The following HCN1 variants were observed in gnomAD, a reference collection of about 807,000 sequenced individuals.
The protein encoded by HCN1 is hyperpolarization activated cyclic nucleotide gated potassium channel 1.
A neutral mutation model predicts 78.9 loss-of-function variants in HCN1; 13 were observed. That is an observed-to-expected ratio of 0.16 (90% CI 0.11 to 0.26). The LOEUF (loss-of-function observed/expected upper bound fraction) is 0.26, where lower values mean the gene tolerates loss of function less well. HCN1 is among the 10% of genes least tolerant of loss of function. The pLI is 1.00. For synonymous variants in HCN1, 552 were observed against 455.5 expected (o/e 1.21, Z -2.70); for missense variants, 810 against 1,154.3 (o/e 0.70, Z 4.32).
rs1744639216 is a variant in HCN1 at position 45,257,418 on chromosome 5, T to G, written c.*4503A>C. On this transcript the variant is annotated 3_prime_UTR_variant, in exon 8 of 8. Coordinates refer to ENST00000303230, the MANE Select transcript of HCN1 (RefSeq NM_021072.4). ...AAATGATAATTATTTCCCCAGCATT[T>G]AATGTATTACTCATTCTCTCCACAT... 6.6e-6 allele frequency: 1 copy of G among 152,236 alleles called. No homozygotes were observed. 9.4% of individuals were successfully genotyped at this position (152,236 alleles called of 1,614,324 possible). A position where few individuals can be genotyped will look rare whatever the true frequency, so the allele number is the denominator to read the frequency against.
intron 2 of HCN1, among the ~76,000 whole-genome samples, chr5:45,487,298 G>A (rs931831499): frequency 1.1e-4 from 17 of 152,018 alleles, no homozygotes; most frequent in Non-Finnish European, 1.8e-4. Flanking sequence ...AAAATGATGA[G>A]CACATAAATT....
At chr5:45,384,904 C>A (rs1331876312) in intron 4 of HCN1, among the ~76,000 whole-genome samples, 1 of 152,056 alleles carries the variant, frequency 6.6e-6, no homozygotes, top group East Asian at 1.9e-4. Flanking sequence ...CTTATCTCTA[C>A]AATGTGAATT....
chr5:45,565,077 A>C (rs1743679549), intron 2 of HCN1, among the ~76,000 whole-genome samples: 1 of 152,130 alleles, frequency 6.6e-6, no homozygotes, highest in Non-Finnish European at 1.5e-5. Context: ...TGAAAAGGTA[A>C]ATTAAAATTG....
At chr5:45,374,290 T>TTA (rs1554021340) in intron 4 of HCN1, among the ~76,000 whole-genome samples, 3 of 128,782 alleles carry the variant, frequency 2.3e-5, no homozygotes, top group African/African-American at 5.9e-5. Flanking sequence ...ATTATATACA[T>TTA]TATATATATT....
intron 2 of HCN1, among the ~76,000 whole-genome samples, chr5:45,588,650 T>C (rs886688105): frequency 6.6e-6 from 1 of 152,178 alleles, no homozygotes; most frequent in Non-Finnish European, 1.5e-5. Flanking sequence ...TAACTACTAC[T>C]AACTCATTCT....
chr5:45,364,769 G>T (rs1367085937), intron 4 of HCN1, among the ~76,000 whole-genome samples: 2 of 152,026 alleles, frequency 1.3e-5, no homozygotes, highest in African/African-American at 2.4e-5. Flanking sequence ...AATAATATGA[G>T]AATTTTGTTA....
rs564808985 is a variant in HCN1 at position 45,620,125 on chromosome 5, A to G, written c.849+25060T>C. ...AAAACATTGTAAAAGAACAAATTCT[A>G]CAAAATACTTGCCCAGTACTCTTCA... On this transcript the variant is annotated intron_variant, in intron 2 of 7. Transcript: ENST00000303230. 2.6e-5 allele frequency among the ~76,000 whole-genome samples: 4 copies of G among 152,230 alleles called. No homozygotes were observed. The South Asian group carries it at 6.2e-4, about 24-fold the overall frequency.
At chr5:45,376,143 TTA>T (rs1491093792) in intron 4 of HCN1, among the ~76,000 whole-genome samples, 2 of 107,974 alleles carry the variant, frequency 1.9e-5, no homozygotes, top group Non-Finnish European at 3.3e-5. Flanking sequence ...ATATAATATA[TTA>T]TATATAATAT....
chr5:45,592,121 C>T (rs1157889857), intron 2 of HCN1, among the ~76,000 whole-genome samples: 1 of 151,962 alleles, frequency 6.6e-6, no homozygotes, highest in Non-Finnish European at 1.5e-5. Flanking sequence ...AGGTCTATTT[C>T]TGGGCTCTGT....
At chr5:45,293,807 C>T (rs1745429026) in intron 6 of HCN1, among the ~76,000 whole-genome samples, 1 of 151,856 alleles carries the variant, frequency 6.6e-6, no homozygotes, top group Admixed American at 6.6e-5. Flanking sequence ...AATGAGTTAG[C>T]AAAGCTTCAG....
At chr5:45,571,568 G>T (rs1484431737) in intron 2 of HCN1, among the ~76,000 whole-genome samples, 1 of 152,128 alleles carries the variant, frequency 6.6e-6, no homozygotes, top group Non-Finnish European at 1.5e-5. Context: ...TTAGCTCCAT[G>T]CCTGTTCTAC....
chr5:45,389,160 T>C (rs1365433626), intron 4 of HCN1, among the ~76,000 whole-genome samples: 1 of 152,148 alleles, frequency 6.6e-6, no homozygotes, highest in African/African-American at 2.4e-5. Context: ...TCCAGTCTTA[T>C]CTAGAGTCAT....
chr5:45,518,197 C>G (rs1742547439), intron 2 of HCN1, among the ~76,000 whole-genome samples: 1 of 152,050 alleles, frequency 6.6e-6, no homozygotes. Context: ...AAACCATAGT[C>G]TATGATGTAC....
At chr5:45,508,470 C>A (rs1330243747) in intron 2 of HCN1, among the ~76,000 whole-genome samples, 1 of 152,072 alleles carries the variant, frequency 6.6e-6, no homozygotes, top group Non-Finnish European at 1.5e-5. Context: ...TGAGCTTCAG[C>A]TCACCAACAT....
At chr5:45,690,124 A>C (rs917150061) in intron 1 of HCN1, among the ~76,000 whole-genome samples, 2 of 152,112 alleles carry the variant, frequency 1.3e-5, no homozygotes, top group African/African-American at 2.4e-5. Flanking sequence ...TATACAACAA[A>C]GCTGATAGTC....
chr5:45,649,422 A>AT (rs1405301888), intron 1 of HCN1, among the ~76,000 whole-genome samples: 1 of 152,142 alleles, frequency 6.6e-6, no homozygotes, highest in Non-Finnish European at 1.5e-5. Flanking sequence ...CTGACATCTC[A>AT]TTATCAACCA....
intron 4 of HCN1, among the ~76,000 whole-genome samples, chr5:45,372,542 T>C (rs1364552152): frequency 7.9e-6 from 1 of 126,058 alleles, no homozygotes; most frequent in Non-Finnish European, 1.6e-5. Context: ...AACATTTACA[T>C]ATAAAAATAT....
At chr5:45,608,869 A>T (rs144778952) in intron 2 of HCN1, among the ~76,000 whole-genome samples, 112 of 152,230 alleles carry the variant, frequency 7.4e-4, no homozygotes, top group African/African-American at 2.6e-3. Flanking sequence ...CTAGTTGAAG[A>T]TATTTCCAAA....
At chr5:45,305,965 C>G (rs1005154073) in intron 5 of HCN1, among the ~76,000 whole-genome samples, 1 of 151,922 alleles carries the variant, frequency 6.6e-6, no homozygotes, top group Non-Finnish European at 1.5e-5. Context: ...AAACTCTTAG[C>G]TTTCTCAAGC....
Sources: gnomAD v4.1 joint callset for allele counts (sites outside exome capture counted in the v4.1 genomes callset) on GRCh38, gnomAD v4.1.1 for gene constraint, MANE v1.5 for transcripts, NCBI Gene and HGNC (gene_info 2026-07-23, HGNC 2026-07-21) for gene names.